Variants in MAPK10 observed in about 807,000 individuals in gnomAD.
MAPK10 encodes the protein mitogen-activated protein kinase 10.
MAPK10 carries 25 observed loss-of-function variants against 59.3 expected under a neutral mutation model. That is an observed-to-expected ratio of 0.42 (90% CI 0.31 to 0.59). The LOEUF is 0.59. MAPK10 is among the 20% of genes least tolerant of loss of function. The pLI, the probability that MAPK10 is intolerant of heterozygous loss-of-function variation, is 0.15. For missense variants in MAPK10, 351 were observed against 568.9 expected (o/e 0.62, Z 3.90); for synonymous variants, 190 against 200.5 (o/e 0.95, Z 0.44).
At chr4:86,126,220 C>A (rs2149127403) in intron 4 of MAPK10, among the ~76,000 whole-genome samples, 1 of 152,170 alleles carries the variant, frequency 6.6e-6, no homozygotes, top group South Asian at 2.1e-4. Flanking sequence ...GGACTTCTTT[C>A]CTTTGTTACT....
intron 1 of MAPK10, among the ~76,000 whole-genome samples, chr4:86,569,757 C>G (rs72665756): frequency 6.6e-6 from 1 of 151,742 alleles, no homozygotes; most frequent in African/African-American, 2.4e-5. Context: ...AGTGGGTACA[C>G]GTGGACATTC....
chr4:86,149,542 C>T (rs1035332799), intron 4 of MAPK10, among the ~76,000 whole-genome samples: 2 of 152,212 alleles, frequency 1.3e-5, no homozygotes, highest in African/African-American at 2.4e-5. Flanking sequence ...GCTAGCATTA[C>T]AGGCACGAGT....
rs1340267433 is a variant in MAPK10, at chr4:86,015,579, A to C, written c.*1649T>G. On this transcript the variant is annotated 3_prime_UTR_variant, in exon 14 of 14. Transcript: ENST00000641462. ...CCTTGGTATTGCCTTGTACATAACC[A>C]AGATGTTTCACAGTGCCTCCTTAAG... The C allele has an allele frequency of 6.6e-6, 1 of 152,224 alleles. No homozygotes were observed. The highest frequency in any genetic ancestry group is 1.5e-5 in the Non-Finnish European group (1 of 68,046). 9.4% of individuals were successfully genotyped at this position (152,224 alleles called of 1,614,324 possible). A position where few individuals can be genotyped will look rare whatever the true frequency, so the allele number is the denominator to read the frequency against.
chr4:86,057,236 C>A (rs1027328414), intron 11 of MAPK10, among the ~76,000 whole-genome samples: 8 of 149,818 alleles, frequency 5.3e-5, no homozygotes, highest in African/African-American at 2.0e-4. Context: ...AGCCACTGTG[C>A]CCAGCAGGAC....
At chr4:86,507,007 T>C (rs1202392120) in intron 1 of MAPK10, among the ~76,000 whole-genome samples, 3 of 152,226 alleles carry the variant, frequency 2.0e-5, no homozygotes, top group East Asian at 1.9e-4. Flanking sequence ...ATTTATCTAA[T>C]TGATGTATTA....
chr4:86,576,389 G>C (rs1037410402), intron 1 of MAPK10, among the ~76,000 whole-genome samples: 2 of 152,150 alleles, frequency 1.3e-5, no homozygotes, highest in African/African-American at 2.4e-5. Context: ...CGGGGTGGGG[G>C]TGTGGCAGGT....
chr4:86,112,971 T>G (rs1184108277), intron 4 of MAPK10, among the ~76,000 whole-genome samples: 1 of 150,650 alleles, frequency 6.6e-6, no homozygotes, highest in Non-Finnish European at 1.5e-5. Context: ...TGTAATGTCC[T>G]TCTTTGTCTT....
chr4:86,269,021 C>T lies in MAPK10; in HGVS notation c.-6-74614G>A, dbSNP rs571210329. 7.1e-4 allele frequency among the ~76,000 whole-genome samples: 108 copies of T among 152,206 alleles called. 3 individuals are homozygous for T. The South Asian group carries it at 0.022, about 31-fold the overall frequency. The stretch of plus-strand genomic sequence containing the variant: ...TATACGGTAATGATTTGTTGGCTGA[C>T]TTCATAATGTCTACTAACATTTTTT... On this transcript the variant is annotated intron_variant, in intron 2 of 13. Coordinates refer to ENST00000641462, the MANE Select transcript of MAPK10 (RefSeq NM_138982.4).
chr4:86,040,414 C>A (rs1047658637), intron 11 of MAPK10, among the ~76,000 whole-genome samples: 2 of 151,660 alleles, frequency 1.3e-5, no homozygotes, highest in Non-Finnish European at 1.5e-5. Context: ...GAATTTGTAG[C>A]CTTGAAGACA....
intron 9 of MAPK10, chr4:86,080,581 A>G (rs1328563970): frequency 6.6e-6 from 1 of 152,006 alleles, no homozygotes; most frequent in Non-Finnish European, 1.5e-5. Flanking sequence ...GGGAGAAAAA[A>G]ATAATAATCT....
At chr4:86,290,741 A>T (rs2148820320) in intron 2 of MAPK10, among the ~76,000 whole-genome samples, 1 of 152,206 alleles carries the variant, frequency 6.6e-6, no homozygotes, top group South Asian at 2.1e-4. Context: ...AAATGAAGCC[A>T]CCATTTACTA....
At chr4:86,213,248 G>A (rs2086386932) in intron 2 of MAPK10, among the ~76,000 whole-genome samples, 1 of 151,958 alleles carries the variant, frequency 6.6e-6, no homozygotes, top group Non-Finnish European at 1.5e-5. Context: ...CAATACAAAA[G>A]AGAGAAAGAT....
At chr4:86,213,167 AC>A (rs2086359460) in intron 2 of MAPK10, among the ~76,000 whole-genome samples, 1 of 152,164 alleles carries the variant, frequency 6.6e-6, no homozygotes, top group Non-Finnish European at 1.5e-5. Context: ...AAATGAAAAT[AC>A]AACATAACAA....
At chr4:86,037,050 G>A (rs1386409560) in intron 11 of MAPK10, among the ~76,000 whole-genome samples, 1 of 152,136 alleles carries the variant, frequency 6.6e-6, no homozygotes, top group African/African-American at 2.4e-5. Flanking sequence ...TTTTAGAAAC[G>A]TAAAATTCAG....
At chr4:86,524,287 T>C (rs1757315614) in intron 1 of MAPK10, among the ~76,000 whole-genome samples, 1 of 152,178 alleles carries the variant, frequency 6.6e-6, no homozygotes. Context: ...ACCAAGATAA[T>C]CCCTTTACTC....
At chr4:86,437,707 A>G (rs1303988640) in intron 1 of MAPK10, among the ~76,000 whole-genome samples, 1 of 152,236 alleles carries the variant, frequency 6.6e-6, no homozygotes, top group Non-Finnish European at 1.5e-5. Flanking sequence ...GATCATATGC[A>G]TAACCTATAA....
intron 1 of MAPK10, among the ~76,000 whole-genome samples, chr4:86,359,288 C>CTCTCTCTGTG (rs796310826): frequency 2.6e-4 from 25 of 94,628 alleles, no homozygotes; most frequent in African/African-American, 9.0e-4. Flanking sequence ...CTCTCTCTCT[C>CTCTCTCTGTG]TGTGTGTGTG....
At chr4:86,567,495 C>G (rs1383138535) in intron 1 of MAPK10, among the ~76,000 whole-genome samples, 1 of 152,204 alleles carries the variant, frequency 6.6e-6, no homozygotes, top group Non-Finnish European at 1.5e-5. Flanking sequence ...GCTGGGATTA[C>G]AGGCGTGAGC....
Position 86,326,456 on chromosome 4 carries a change from G to C in MAPK10, c.-7+28074C>G, listed in dbSNP as rs533555042. On this transcript the variant is annotated intron_variant, in intron 2 of 13. Coordinates refer to ENST00000641462, the MANE Select transcript of MAPK10 (RefSeq NM_138982.4). ...CAATGGCTTCCCTGAGAGATGGTAA[G>C]GGTCTGAGCCAGGGCAGCAGTGGTG... 5 of 152,316 alleles carry C rather than the reference G, an allele frequency of 3.3e-5. No individual in the cohort carries two copies. In the South Asian group the frequency reaches 8.3e-4, roughly 25 times the overall value. 9.4% of individuals were successfully genotyped at this position (152,316 alleles called of 1,614,324 possible).
Sources: allele counts gnomAD v4.1 joint callset (sites outside exome capture counted in the v4.1 genomes callset), GRCh38; gene constraint gnomAD v4.1.1; transcripts MANE v1.5; gene names NCBI Gene and HGNC (gene_info 2026-07-23, HGNC 2026-07-21).